MRE11: variants seen among roughly 807,000 people sequenced by gnomAD.
MRE11 encodes the protein double-strand break repair protein MRE11.
Under a neutral mutation model 91.7 loss-of-function variants are expected in MRE11, and 62 were observed. The observed-to-expected ratio is 0.68, with a 90% CI of 0.55 to 0.84. The LOEUF (loss-of-function observed/expected upper bound fraction) is 0.84. Among genes scored for constraint, MRE11 ranks in the 40% least tolerant of loss-of-function variants. The pLI, the probability that MRE11 is intolerant of heterozygous loss-of-function variation, is 0.00. For synonymous variants in MRE11, 273 were observed against 271.4 expected, an observed-to-expected ratio of 1.01 and a Z score of -0.06; for missense variants, 796 against 852.9, an observed-to-expected ratio of 0.93 and a Z score of 0.83.
At chr11:94,474,447 A>G (rs1946800741) in intron 7 of MRE11, among the ~76,000 whole-genome samples, 1 of 151,800 alleles carries the variant, frequency 6.6e-6, no homozygotes, top group Non-Finnish European at 1.5e-5. Context: ...AATGACATAA[A>G]TAAGTAAGTA....
rs1554999942 is a variant in MRE11 at position 94,429,973 on chromosome 11, A to T, written c.2008T>A (p.Ser670Thr). 1.9e-6 allele frequency: 3 copies of T among 1,614,014 alleles called. No homozygotes were observed. In the Admixed American group the frequency reaches 5.0e-5, roughly 27 times the overall value. Residue 670 changes from serine to threonine, a missense_variant, in exon 19 of 20, where the codon TCA becomes ACA. By Grantham distance (58) the Ser-to-Thr change is moderately conservative. Coordinates refer to ENST00000323929, the MANE Select transcript of MRE11 (RefSeq NM_005591.4). ...SKTDQRWSST[S>T]SSKIMSQSQV... ...CTCTGGGACATGATTTTGCTGGATG[A>T]TGTGCTGGACCACCTGAGGCAAAAC...
chr11:94,472,488 T>C (rs1232868055), intron 7 of MRE11, among the ~76,000 whole-genome samples: 1 of 152,132 alleles, frequency 6.6e-6, no homozygotes, highest in East Asian at 1.9e-4. Flanking sequence ...GTCTACTTTA[T>C]GTCAGATGTC....
intron 10 of MRE11, among the ~76,000 whole-genome samples, chr11:94,465,489 G>A (rs181550514): frequency 6.7e-5 from 10 of 148,792 alleles, no homozygotes; most frequent in South Asian, 2.1e-4. Context: ...TCTGCCTCCC[G>A]GGTTCAAGCG....
the MRE11 span, among the ~76,000 whole-genome samples, chr11:94,506,835 CT>C: frequency 6.6e-6 from 1 of 152,112 alleles, no homozygotes; most frequent in South Asian, 2.1e-4. Context: ...AGCGATCCTC[CT>C]GCCTTGGCCT....
intron 16 of MRE11, among the ~76,000 whole-genome samples, chr11:94,443,446 C>T (rs1485637151): frequency 6.6e-6 from 1 of 152,174 alleles, no homozygotes; most frequent in Non-Finnish European, 1.5e-5. Context: ...AAGAGGCATG[C>T]AGTTTCATAA....
chr11:94,464,260 A>G, intron 10 of MRE11, 21 bp from the exon 11 acceptor site: 1 of 1,613,718 alleles, frequency 6.2e-7, no homozygotes. Flanking sequence ...AGAATAATCT[A>G]TGAACGCTAG....
intron 19 of MRE11, among the ~76,000 whole-genome samples, chr11:94,429,393 C>A (rs575527386): frequency 1.3e-5 from 2 of 152,184 alleles, no homozygotes; most frequent in Non-Finnish European, 2.9e-5. Flanking sequence ...ATGTTTACTG[C>A]AGCACTTACT....
At chr11:94,501,369 G>T in the MRE11 span, among the ~76,000 whole-genome samples, 2 of 152,100 alleles carry the variant, frequency 1.3e-5, no homozygotes, top group Non-Finnish European at 2.9e-5. Flanking sequence ...AATAAGGACA[G>T]AATTGCATTT....
intron 4 of MRE11, among the ~76,000 whole-genome samples, chr11:94,484,214 A>C (rs1484857642): frequency 1.3e-5 from 2 of 152,252 alleles, no homozygotes; most frequent in African/African-American, 4.8e-5. Context: ...AAAGGAAAAA[A>C]AAATGGGTTT....
intron 9 of MRE11, 83 bp from the exon 10 acceptor site, chr11:94,467,976 T>A (rs1249024822): frequency 9.8e-7 from 1 of 1,016,532 alleles, no homozygotes; most frequent in Non-Finnish European, 1.6e-6. Flanking sequence ...CCACAGGAAT[T>A]TTCCTGAACT....
chr11:94,467,459 G>T (rs191674879), intron 10 of MRE11, among the ~76,000 whole-genome samples: 1 of 152,080 alleles, frequency 6.6e-6, no homozygotes, highest in Non-Finnish European at 1.5e-5. Context: ...GGTGACACGG[G>T]AGCAGACTAA....
intron 6 of MRE11, among the ~76,000 whole-genome samples, chr11:94,477,465 CTA>C (rs1344275471): frequency 2.6e-5 from 4 of 152,104 alleles, no homozygotes; most frequent in Non-Finnish European, 4.4e-5. Context: ...CGAATTAACA[CTA>C]TGGAATTAAA....
At chr11:94,497,044 C>T, upstream of MRE11, 1 of 1,525,126 alleles carries the variant, frequency 6.6e-7, no homozygotes, top group Non-Finnish European at 9.0e-7. Flanking sequence ...GCCATCATAC[C>T]TATCTCTTGA....
chr11:94,509,083 G>A, the MRE11 span, among the ~76,000 whole-genome samples: 2 of 152,098 alleles, frequency 1.3e-5, no homozygotes, highest in South Asian at 4.1e-4. Flanking sequence ...AAACAACCCT[G>A]CTGAGATTCA....
intron 16 of MRE11, among the ~76,000 whole-genome samples, chr11:94,437,863 G>A (rs565151311): frequency 1.2e-4 from 19 of 152,138 alleles, no homozygotes; most frequent in African/African-American, 4.3e-4. Flanking sequence ...AGTGGCTCAC[G>A]CCTGTAATCC....
chr11:94,499,825 G>A, the MRE11 span, among the ~76,000 whole-genome samples: 4 of 152,146 alleles, frequency 2.6e-5, no homozygotes, highest in South Asian at 8.3e-4. Flanking sequence ...TGTCCACCAA[G>A]GCTTATCTCT....
rs1158555730 is a variant in MRE11 at position 94,437,006 on chromosome 11, G to GA, written c.1926+170dup. On this transcript the variant is annotated intron_variant, in intron 17 of 19. Transcript: ENST00000323929. Reference sequence around the variant, plus strand: ...TTATTTAAAAAAAGAGAGCAACCAAGAAAAAAAAAATCAAATCCTAGAAGC... The same window carrying GA: ...TTATTTAAAAAAAGAGAGCAACCAAGAAAAAAAAAAATCAAATCCTAGAAGC... 9.7e-4 allele frequency among the ~76,000 whole-genome samples: 143 copies of GA among 147,778 alleles called. 1 individual carries two copies. Among genetic ancestry groups the GA allele is most frequent in the Admixed American group, 2.0e-3 (29 of 14,862 alleles).
At position 94,419,861 on chromosome 11, in the gene MRE11, T is replaced by C. The variant is rs1432545874; in HGVS notation, c.*264A>G. Reference sequence around the variant, plus strand: ...TAACCATATTAAAATACTGACATAGTTTTTCATTATGAAATAGAAATGTAA... The same window carrying C: ...TAACCATATTAAAATACTGACATAGCTTTTCATTATGAAATAGAAATGTAA... On this transcript the variant is annotated 3_prime_UTR_variant, in exon 20 of 20. Transcript: ENST00000323929. 1 of 288,478 alleles carries C rather than the reference T, an allele frequency of 3.5e-6. No individual in the cohort carries two copies. The highest frequency in any genetic ancestry group is 6.5e-6 in the Non-Finnish European group (1 of 152,906). 17.9% of individuals were successfully genotyped at this position (288,478 alleles called of 1,614,324 possible). A position where few individuals can be genotyped will look rare whatever the true frequency, so the allele number is the denominator to read the frequency against.
In MRE11 at chr11:94,485,933, C is replaced by A. The variant is rs199736271; in HGVS notation, c.305G>T (p.Gly102Val). ...EILSDQSVNF[G>V]FSKFPWVNYQ... Reference sequence around the variant, plus strand: ...AAATAAATATACTTACTTACTAAAACCAAAGTTGACTGACTGATCACTGAG... The same window carrying A: ...AAATAAATATACTTACTTACTAAAAACAAAGTTGACTGACTGATCACTGAG... Residue 102 changes from glycine to valine, a missense_variant, in exon 4 of 20, where the codon GGT becomes GTT. Physicochemically the swap from Gly to Val is moderately radical, Grantham distance 109. Coordinates refer to ENST00000323929, the MANE Select transcript of MRE11 (RefSeq NM_005591.4). 90 of 1,612,556 alleles carry A rather than the reference C, an allele frequency of 5.6e-5. 1 individual carries two copies. The South Asian group carries it at 6.0e-4, about 11-fold the overall frequency.
Sources: gnomAD v4.1 joint callset for allele counts (sites outside exome capture counted in the v4.1 genomes callset) on GRCh38, gnomAD v4.1.1 for gene constraint, MANE v1.5 for transcripts, NCBI Gene and HGNC (gene_info 2026-07-23, HGNC 2026-07-21) for gene names.